The following DIP2C variants were observed in gnomAD, a reference collection of about 807,000 sequenced individuals.
DIP2C encodes the protein disco-interacting protein 2 homolog C.
A neutral mutation model predicts 192.4 loss-of-function variants in DIP2C; 33 were observed. That is an observed-to-expected ratio of 0.17 (90% CI 0.13 to 0.23). The LOEUF (loss-of-function observed/expected upper bound fraction) is 0.23. Among genes scored for constraint, DIP2C ranks in the 10% least tolerant of loss-of-function variants. The probability of loss-of-function intolerance (pLI) is 1.00; values close to 1 mark genes in which losing one functional copy is unlikely to be tolerated. For missense variants in DIP2C, 1,537 were observed against 2,110.1 expected, an observed-to-expected ratio of 0.73 and a Z score of 5.32; for synonymous variants, 979 against 864.1, an observed-to-expected ratio of 1.13 and a Z score of -2.33.
Position 501,811 on chromosome 10 carries a change from T to G in DIP2C, c.86-15281A>C, listed in dbSNP as rs552375919. 1.7e-3 allele frequency among the ~76,000 whole-genome samples: 255 copies of G among 152,234 alleles called. 1 individual carries two copies. Among genetic ancestry groups the G allele is most frequent in the Admixed American group, 2.7e-3 (42 of 15,284 alleles). On this transcript the variant is annotated intron_variant, in intron 1 of 36. Coordinates refer to ENST00000280886, the MANE Select transcript of DIP2C (RefSeq NM_014974.3). The stretch of plus-strand genomic sequence containing the variant: ...AGGCACTGTGCCAGGTATTTGGCAA[T>G]ATCAGAACACAAAACATAAAACCTC...
rs772134554 is a variant in DIP2C at position 600,609 on chromosome 10, G to A, written c.85+88885C>T. ...CAGCAGCCCTCTCCACCTTAAAGAG[G>A]GTTTCCGGATGCTCCTCAATGACCC... On this transcript the variant is annotated intron_variant, in intron 1 of 36. Transcript: ENST00000280886. Among the ~76,000 whole-genome samples, 42 of 151,806 alleles carry A rather than the reference G, an allele frequency of 2.8e-4. 1 individual carries two copies. The highest frequency in any genetic ancestry group is 2.4e-4 in the Non-Finnish European group (16 of 67,990).
chr10:470,278 CATA>C (rs1970525285), intron 3 of DIP2C, among the ~76,000 whole-genome samples: 1 of 152,192 alleles, frequency 6.6e-6, no homozygotes, highest in Non-Finnish European at 1.5e-5. Context: ...GAAGAGGCGC[CATA>C]TTTCACAATT....
intron 24 of DIP2C, among the ~76,000 whole-genome samples, chr10:355,541 C>T (rs1959041101): frequency 6.6e-6 from 1 of 152,162 alleles, no homozygotes; most frequent in African/African-American, 2.4e-5. Flanking sequence ...ATTTTTCTTC[C>T]ATTTTTCAAG....
intron 32 of DIP2C, among the ~76,000 whole-genome samples, chr10:290,073 C>T (rs1955411454): frequency 6.6e-6 from 1 of 152,244 alleles, no homozygotes. Flanking sequence ...ACTTTCTCCT[C>T]TGCGGGAGAA....
At chr10:366,029 T>C (rs1960154127) in intron 19 of DIP2C, among the ~76,000 whole-genome samples, 1 of 151,836 alleles carries the variant, frequency 6.6e-6, no homozygotes. Flanking sequence ...GTGAGAAAAG[T>C]AACAAAAAGG....
chr10:556,647 C>A (rs1848890165), intron 1 of DIP2C, among the ~76,000 whole-genome samples: 1 of 151,028 alleles, frequency 6.6e-6, no homozygotes, highest in African/African-American at 2.4e-5. Flanking sequence ...TGCCACCCTG[C>A]CCACTGGGGC....
chr10:500,983 C>A (rs190465501), intron 1 of DIP2C, among the ~76,000 whole-genome samples: 1 of 152,250 alleles, frequency 6.6e-6, no homozygotes, highest in Admixed American at 6.5e-5. Flanking sequence ...TTTTGGAGAG[C>A]GGAGGGGGCA....
chr10:455,342 T>C lies in DIP2C; in HGVS notation c.269-14346A>G, dbSNP rs1231209185. 7.0e-5 allele frequency among the ~76,000 whole-genome samples: 9 copies of C among 128,528 alleles called. 1 individual carries two copies. Among genetic ancestry groups the C allele is most frequent in the South Asian group, 2.6e-4 (1 of 3,832 alleles). The allele number at this position is 128,528 out of a possible 152,430, so 84.3% of individuals were successfully genotyped here. A position where few individuals can be genotyped will look rare whatever the true frequency, so the allele number is the denominator to read the frequency against. On this transcript the variant is annotated intron_variant, in intron 3 of 36. Coordinates refer to ENST00000280886, the MANE Select transcript of DIP2C (RefSeq NM_014974.3). ...CTGAGGGGAGACCGTGAGGAATAAA[T>C]GAGATGAAAACACTGCAGTGAGTCC... is the stretch of plus-strand genomic sequence containing the variant.
intron 5 of DIP2C, among the ~76,000 whole-genome samples, chr10:420,933 TCA>T (rs1052503612): frequency 3.3e-5 from 5 of 152,202 alleles, no homozygotes; most frequent in Admixed American, 2.0e-4. Flanking sequence ...CTTAGGACAC[TCA>T]CGCGCACGCA....
At chr10:589,929 G>T (rs149226771) in intron 1 of DIP2C, among the ~76,000 whole-genome samples, 1 of 152,180 alleles carries the variant, frequency 6.6e-6, no homozygotes, top group Non-Finnish European at 1.5e-5. Context: ...AAATTCATAA[G>T]AACTGCTGAG....
intron 13 of DIP2C, among the ~76,000 whole-genome samples, chr10:388,230 G>C (rs1025167809): frequency 3.9e-5 from 6 of 152,196 alleles, no homozygotes; most frequent in African/African-American, 1.4e-4. Flanking sequence ...CAGCTCTACT[G>C]CAAGTCTCCA....
At chr10:432,569 C>A (rs185993826) in intron 4 of DIP2C, among the ~76,000 whole-genome samples, 187 of 152,174 alleles carry the variant, frequency 1.2e-3, no homozygotes, top group Non-Finnish European at 2.4e-3. Context: ...TGCTGTATTT[C>A]TTTTTCTTGT....
chr10:396,701 G>C (rs148071663), intron 10 of DIP2C, among the ~76,000 whole-genome samples: 1 of 152,102 alleles, frequency 6.6e-6, no homozygotes, highest in Non-Finnish European at 1.5e-5. Context: ...AGCATGACTG[G>C]AGTCCTCCAG....
At chr10:415,690 A>T in intron 7 of DIP2C, 79 bp downstream of exon 7, 1 of 1,564,162 alleles carries the variant, frequency 6.4e-7, no homozygotes, top group Non-Finnish European at 8.7e-7. Context: ...AAAGTAAAAT[A>T]GCCTTGCAGA....
At chr10:383,428 A>G (rs1962560203) in intron 16 of DIP2C, among the ~76,000 whole-genome samples, 1 of 152,180 alleles carries the variant, frequency 6.6e-6, no homozygotes, top group African/African-American at 2.4e-5. Flanking sequence ...TTTTTTCACA[A>G]AAGCATGCTA....
At chr10:365,961 C>A (rs1292087857) in intron 19 of DIP2C, among the ~76,000 whole-genome samples, 1 of 152,248 alleles carries the variant, frequency 6.6e-6, no homozygotes, top group Non-Finnish European at 1.5e-5. Flanking sequence ...CTTCCCCAGG[C>A]AAGGCCCTTC....
intron 23 of DIP2C, 59 bp downstream of exon 23, chr10:357,769 G>A (rs1959160012): frequency 1.8e-5 from 24 of 1,346,398 alleles, no homozygotes; most frequent in Non-Finnish European, 2.5e-5. Context: ...GTCGCAGATG[G>A]TCGGGGACAG....
chr10:397,100 G>A (rs1425223456), intron 10 of DIP2C, among the ~76,000 whole-genome samples: 1 of 152,182 alleles, frequency 6.6e-6, no homozygotes, highest in African/African-American at 2.4e-5. Flanking sequence ...GTGGCAGATG[G>A]TTTTCTTAAA....
At chr10:618,386 G>A (rs28372211) in intron 1 of DIP2C, among the ~76,000 whole-genome samples, 6 of 152,270 alleles carry the variant, frequency 3.9e-5, no homozygotes, top group South Asian at 4.1e-4. Flanking sequence ...ACATGGCCTC[G>A]TCCCAGGCCC....
Sources: allele counts gnomAD v4.1 joint callset (sites outside exome capture counted in the v4.1 genomes callset), GRCh38; gene constraint gnomAD v4.1.1; transcripts MANE v1.5; gene names NCBI Gene and HGNC (gene_info 2026-07-23, HGNC 2026-07-21).